The following DAB1 variants were observed in gnomAD, a reference collection of about 807,000 sequenced individuals.
DAB1 encodes the protein disabled homolog 1.
DAB1 carries 15 observed loss-of-function variants against 64.6 expected under a neutral mutation model. That is an observed-to-expected ratio of 0.23 (90% CI 0.16 to 0.36). DAB1 has a LOEUF of 0.36. DAB1 is among the 10% of genes least tolerant of loss of function. The pLI is 1.00. For synonymous variants in DAB1, 235 were observed against 251.9 expected (o/e 0.93, Z 0.64); for missense variants, 596 against 706.7 (o/e 0.84, Z 1.78).
chr1:58,321,074 T>C (rs754333311), intron 4 of DAB1, among the ~76,000 whole-genome samples: 12 of 152,208 alleles, frequency 7.9e-5, no homozygotes, highest in Non-Finnish European at 1.5e-4. Flanking sequence ...GTTTAGGAGT[T>C]GTAGTGGCTT....
intron 6 of DAB1, among the ~76,000 whole-genome samples, chr1:57,690,099 A>T (rs532505050): frequency 6.6e-6 from 1 of 152,166 alleles, no homozygotes; most frequent in South Asian, 2.1e-4. Flanking sequence ...ACTCTTTTTC[A>T]TGGCTGAATA....
intron 7 of DAB1, among the ~76,000 whole-genome samples, chr1:57,621,902 T>C (rs1570681407): frequency 1.3e-5 from 2 of 152,212 alleles, no homozygotes; most frequent in East Asian, 3.9e-4. Flanking sequence ...ATATTGCTCT[T>C]GAGCTATTTG....
At chr1:57,452,509 T>C (rs1686424512) in intron 7 of DAB1, among the ~76,000 whole-genome samples, 1 of 152,032 alleles carries the variant, frequency 6.6e-6, no homozygotes, top group Non-Finnish European at 1.5e-5. Context: ...AGTCACCCAG[T>C]TGGGAAATGA....
intron 5 of DAB1, among the ~76,000 whole-genome samples, chr1:58,077,300 A>G (rs1343784311): frequency 6.6e-6 from 1 of 152,168 alleles, no homozygotes; most frequent in East Asian, 1.9e-4. Context: ...CAAAATTTCA[A>G]TTCACATTTA....
intron 7 of DAB1, among the ~76,000 whole-genome samples, chr1:57,505,664 G>T (rs752575433): frequency 4.6e-5 from 7 of 152,074 alleles, no homozygotes; most frequent in Non-Finnish European, 8.8e-5. Flanking sequence ...TGAAATAACT[G>T]CTTAATTTCT....
At chr1:57,120,761 A>T (rs942168546) in intron 4 of DAB1, among the ~76,000 whole-genome samples, 4 of 152,182 alleles carry the variant, frequency 2.6e-5, no homozygotes, top group South Asian at 2.1e-4. Flanking sequence ...TTCAAGCTTC[A>T]TCCATAATGA....
intron 3 of DAB1, among the ~76,000 whole-genome samples, chr1:58,491,469 C>A (rs1303292826): frequency 6.6e-6 from 1 of 152,046 alleles, no homozygotes; most frequent in Non-Finnish European, 1.5e-5. Context: ...CACAGACTGG[C>A]AAATTGGATA....
chr1:57,072,780 C>T (rs569060097), intron 4 of DAB1, among the ~76,000 whole-genome samples: 50 of 152,296 alleles, frequency 3.3e-4, no homozygotes, highest in African/African-American at 1.2e-3. Context: ...TACTTAAATA[C>T]TCGGGGACCG....
intron 4 of DAB1, among the ~76,000 whole-genome samples, chr1:58,154,124 TA>T (rs1188402523): frequency 1.3e-5 from 2 of 152,008 alleles, no homozygotes; most frequent in Non-Finnish European, 2.9e-5. Context: ...GCCTTCATTT[TA>T]AAAAACGCTC....
intron 1 of DAB1, among the ~76,000 whole-genome samples, chr1:57,378,281 T>C (rs930323780): frequency 1.3e-5 from 2 of 152,176 alleles, no homozygotes; most frequent in Non-Finnish European, 2.9e-5. Context: ...CATTATATTA[T>C]CACCCACATT....
chr1:57,907,945 A>ACG (rs35253712), intron 5 of DAB1, among the ~76,000 whole-genome samples: 1 of 150,362 alleles, frequency 6.7e-6, no homozygotes, highest in Non-Finnish European at 1.5e-5. Context: ...ACACACACAC[A>ACG]TATATATTTC....
intron 6 of DAB1, among the ~76,000 whole-genome samples, chr1:57,814,831 A>G (rs942003133): frequency 1.6e-4 from 25 of 151,894 alleles, no homozygotes; most frequent in African/African-American, 5.6e-4. Flanking sequence ...CAGGCCTGCT[A>G]CTCATTCATT....
chr1:57,871,265 G>A (rs950800965), intron 1 of DAB1, among the ~76,000 whole-genome samples: 1 of 141,730 alleles, frequency 7.1e-6, no homozygotes, highest in Non-Finnish European at 1.6e-5. Context: ...AACTATCTAA[G>A]AGGTATAACT....
intron 1 of DAB1, among the ~76,000 whole-genome samples, chr1:57,379,450 C>T (rs1020081956): frequency 6.6e-6 from 1 of 152,098 alleles, no homozygotes; most frequent in African/African-American, 2.4e-5. Context: ...ATCAACGACC[C>T]AGAGTGAAAT....
intron 3 of DAB1, among the ~76,000 whole-genome samples, chr1:57,144,429 C>T (rs1024725914): frequency 6.6e-5 from 10 of 152,018 alleles, no homozygotes; most frequent in Non-Finnish European, 8.8e-5. Context: ...GGCACAGTGG[C>T]TCACGCCTGT....
intron 1 of DAB1, chr1:57,876,713 T>G (rs1192633487): frequency 6.6e-6 from 1 of 152,164 alleles, no homozygotes; most frequent in African/African-American, 2.4e-5. Flanking sequence ...AGTTTAGGAT[T>G]TTTCACGTTT....
chr1:57,432,940 C>T (rs771604357), intron 7 of DAB1, among the ~76,000 whole-genome samples: 5 of 152,132 alleles, frequency 3.3e-5, no homozygotes, highest in Non-Finnish European at 7.4e-5. Context: ...AATTACACAG[C>T]TGATCAGATA....
chr1:57,344,113 G>A (rs1677892131), intron 1 of DAB1, among the ~76,000 whole-genome samples: 1 of 152,212 alleles, frequency 6.6e-6, no homozygotes, highest in Non-Finnish European at 1.5e-5. Flanking sequence ...TGAGGCTCAA[G>A]AAAGATAATT....
At chr1:58,416,858 T>A (rs1644726228) in intron 3 of DAB1, among the ~76,000 whole-genome samples, 2 of 152,110 alleles carry the variant, frequency 1.3e-5, no homozygotes, top group Non-Finnish European at 2.9e-5. Context: ...AGATGTAGCA[T>A]GCAAATTGAA....
Sources: allele counts gnomAD v4.1 joint callset (sites outside exome capture counted in the v4.1 genomes callset), GRCh38; gene constraint gnomAD v4.1.1; transcripts MANE v1.5; gene names NCBI Gene and HGNC (gene_info 2026-07-23, HGNC 2026-07-21).